Variants in DIP2C observed in about 807,000 individuals in gnomAD.
The protein encoded by DIP2C is DIP2 acetate--CoA ligase C (putative).
A neutral mutation model predicts 192.4 loss-of-function variants in DIP2C; 33 were observed. The observed-to-expected ratio is 0.17, with a 90% CI of 0.13 to 0.23. The LOEUF (loss-of-function observed/expected upper bound fraction) is 0.23, where lower values mean the gene tolerates loss of function less well. Among genes scored for constraint, DIP2C ranks in the 10% least tolerant of loss-of-function variants. The pLI is 1.00. For missense variants in DIP2C, 1,537 were observed against 2,110.1 expected (o/e 0.73, Z 5.32); for synonymous variants, 979 against 864.1 (o/e 1.13, Z -2.33).
At chr10:647,563 T>C (rs1855527659) in intron 1 of DIP2C, among the ~76,000 whole-genome samples, 2 of 139,386 alleles carry the variant, frequency 1.4e-5, no homozygotes, top group African/African-American at 5.5e-5. Flanking sequence ...GGAAACTGAG[T>C]CCACGTCCAC....
Position 414,739 on chromosome 10 carries a change from G to GTGTATA in DIP2C, c.860-630_860-629insTATACA. Among the ~76,000 whole-genome samples, 85 of 90,528 alleles carry GTGTATA rather than the reference G, an allele frequency of 9.4e-4. 2 individuals carry two copies. The highest frequency in any genetic ancestry group is 6.3e-3 in the Middle Eastern group (1 of 158). The allele number at this position is 90,528 out of a possible 152,430, so 59.4% of individuals were successfully genotyped here. A position where few individuals can be genotyped will look rare whatever the true frequency, so the allele number is the denominator to read the frequency against. On this transcript the variant is annotated intron_variant, in intron 7 of 36. Coordinates refer to ENST00000280886, the MANE Select transcript of DIP2C (RefSeq NM_014974.3). ...TGTGTGTGTGTGTGTGTGTGTGTGT[G>GTGTATA]TACATATATATATATATAATGTGTA...
At chr10:337,017 G>C (rs1374396697) in intron 29 of DIP2C, among the ~76,000 whole-genome samples, 2 of 125,426 alleles carry the variant, frequency 1.6e-5, no homozygotes, top group Non-Finnish European at 1.7e-5. Context: ...GCAGCTGTGT[G>C]TGTGTGTGTG....
chr10:653,468 A>C (rs1682203761), intron 1 of DIP2C, among the ~76,000 whole-genome samples: 1 of 152,198 alleles, frequency 6.6e-6, no homozygotes, highest in African/African-American at 2.4e-5. Flanking sequence ...AATAAAAAAT[A>C]ATAACAAAAA....
intron 1 of DIP2C, among the ~76,000 whole-genome samples, chr10:587,477 TAA>T (rs1179855568): frequency 6.6e-6 from 1 of 152,190 alleles, no homozygotes; most frequent in African/African-American, 2.4e-5. Flanking sequence ...GGTCATTTAA[TAA>T]AATGAAATAA....
intron 1 of DIP2C, among the ~76,000 whole-genome samples, chr10:513,161 G>A (rs1846132122): frequency 7.4e-6 from 1 of 135,256 alleles, no homozygotes; most frequent in South Asian, 2.8e-4. Context: ...TTAGCATACT[G>A]GCAGTTTTCC....
At chr10:616,108 G>T (rs1000010531) in intron 1 of DIP2C, among the ~76,000 whole-genome samples, 1 of 152,092 alleles carries the variant, frequency 6.6e-6, no homozygotes, top group Non-Finnish European at 1.5e-5. Flanking sequence ...CTTCACCCAG[G>T]TCATCCCTCA....
Position 534,700 on chromosome 10 carries a change from C to T in DIP2C, c.86-48170G>A, listed in dbSNP as rs1847597982. ...TTTTTTTTTTTTTGAGACGGAGTCT[C>T]GCTCTGTCGCCCAGGCCGGACTGCG... On this transcript the variant is annotated intron_variant, in intron 1 of 36. Coordinates refer to ENST00000280886, the MANE Select transcript of DIP2C (RefSeq NM_014974.3). 4.8e-5 allele frequency among the ~76,000 whole-genome samples: 7 copies of T among 146,412 alleles called. No homozygotes were observed. The South Asian group carries it at 1.3e-3, about 27-fold the overall frequency.
intron 1 of DIP2C, among the ~76,000 whole-genome samples, chr10:558,931 T>TC (rs1224994985): frequency 5.4e-5 from 6 of 110,384 alleles, no homozygotes; most frequent in South Asian, 3.0e-4. Context: ...ACCCGACCCC[T>TC]CCCCCACCGA....
chr10:449,454 A>G (rs1968649226), intron 3 of DIP2C, among the ~76,000 whole-genome samples: 1 of 152,114 alleles, frequency 6.6e-6, no homozygotes, highest in African/African-American at 2.4e-5. Flanking sequence ...CTTGTGGCCA[A>G]AGTCACGGTA....
At chr10:634,577 C>A (rs2131900396) in intron 1 of DIP2C, among the ~76,000 whole-genome samples, 1 of 152,140 alleles carries the variant, frequency 6.6e-6, no homozygotes, top group Non-Finnish European at 1.5e-5. Flanking sequence ...AGAGTGAAAC[C>A]CTGTCTCTAC....
At chr10:281,405 A>C (rs2132134228) in intron 35 of DIP2C, 82 bp from the exon 36 acceptor site, 3,146 of 1,173,622 alleles carry the variant, frequency 2.7e-3, no homozygotes, top group East Asian at 4.8e-3. Context: ...AAAGATTAAA[A>C]ACGACCCCCA....
chr10:500,052 C>G (rs976371277), intron 1 of DIP2C, among the ~76,000 whole-genome samples: 8 of 152,204 alleles, frequency 5.3e-5, no homozygotes, highest in Admixed American at 5.2e-4. Flanking sequence ...AGTTCAGACC[C>G]AGGGAATAAA....
intron 4 of DIP2C, among the ~76,000 whole-genome samples, chr10:428,674 G>C (rs1246499145): frequency 6.6e-6 from 1 of 152,030 alleles, no homozygotes; most frequent in African/African-American, 2.4e-5. Context: ...CTGGACACAG[G>C]TGTTTGACAT....
At chr10:574,135 G>A (rs1383416864) in intron 1 of DIP2C, among the ~76,000 whole-genome samples, 1 of 152,064 alleles carries the variant, frequency 6.6e-6, no homozygotes, top group Admixed American at 6.5e-5. Context: ...CTGACTACAC[G>A]GCCAGTAAGT....
chr10:582,777 G>A (rs762910621), intron 1 of DIP2C, among the ~76,000 whole-genome samples: 8 of 152,142 alleles, frequency 5.3e-5, no homozygotes, highest in Non-Finnish European at 1.2e-4. Context: ...CCTCTTCCTG[G>A]TTTAAATATA....
intron 1 of DIP2C, among the ~76,000 whole-genome samples, chr10:686,168 T>A (rs1050615843): frequency 4.6e-4 from 70 of 152,172 alleles, no homozygotes; most frequent in Non-Finnish European, 3.2e-4. Context: ...GAAAGGAGTA[T>A]GAGAAAGCAG....
At chr10:559,406 G>A (rs753839506) in intron 1 of DIP2C, among the ~76,000 whole-genome samples, 3 of 152,012 alleles carry the variant, frequency 2.0e-5, no homozygotes, top group Non-Finnish European at 4.4e-5. Flanking sequence ...CAGCCACAGG[G>A]GTCTTTTGTT....
At chr10:431,979 T>C (rs532092217) in intron 4 of DIP2C, among the ~76,000 whole-genome samples, 1 of 152,344 alleles carries the variant, frequency 6.6e-6, no homozygotes, top group Non-Finnish European at 1.5e-5. Context: ...TCAAATTCTT[T>C]TCCTTTTTCT....
At chr10:497,827 T>G (rs952710011) in intron 1 of DIP2C, among the ~76,000 whole-genome samples, 4 of 152,146 alleles carry the variant, frequency 2.6e-5, no homozygotes, top group Admixed American at 1.3e-4. Context: ...CCAAAAAAAA[T>G]TAGCTATTTT....
Sources: allele counts gnomAD v4.1 joint callset (sites outside exome capture counted in the v4.1 genomes callset), GRCh38; gene constraint gnomAD v4.1.1; transcripts MANE v1.5; gene names NCBI Gene and HGNC (gene_info 2026-07-23, HGNC 2026-07-21).